Variants in TEX15 observed in about 807,000 individuals in gnomAD.
TEX15 encodes the protein testis expressed 15, meiosis and synapsis associated, also known as testis-expressed protein 15.
A neutral mutation model predicts 237.3 loss-of-function variants in TEX15; 171 were observed. That is an observed-to-expected ratio of 0.72 (90% CI 0.64 to 0.82). TEX15 has a LOEUF of 0.82. Among genes scored for constraint, TEX15 ranks in the 40% least tolerant of loss-of-function variants. TEX15 has a pLI of 0.00. For synonymous variants in TEX15, 1,338 were observed against 1,269.8 expected (o/e 1.05, Z -1.14); for missense variants, 3,750 against 3,646.5 (o/e 1.03, Z -0.73).
At chr8:30,912,036 G>C (rs897542859) in intron 1 of TEX15, among the ~76,000 whole-genome samples, 13 of 152,196 alleles carry the variant, frequency 8.5e-5, no homozygotes, top group African/African-American at 3.1e-4. Context: ...ACAGCGCCGG[G>C]ACACGCGGCA....
In TEX15 at chr8:30,848,622, AG is replaced by A; in HGVS notation, c.1544del (p.Ser515LeufsTer33). On this transcript the variant is annotated frameshift_variant, in exon 8 of 11. Coordinates refer to ENST00000643185, the MANE Select transcript of TEX15 (RefSeq NM_001350162.2). LOFTEE classifies it high-confidence loss of function. Reference protein sequence around the residue: ...DSQSWAHNMGSEDYDCIPPNK... With the variant: ...DSQSWAHNMGXEDYDCIPPNK... ...TGGGAGGTATACAGTCATAGTCCTC[AG>A]AGCCCATGTTGTGAGCCCAAGATTG... The A allele has an allele frequency of 1.2e-6, 2 of 1,614,184 alleles. No individual in the cohort carries two copies. Among genetic ancestry groups the A allele is most frequent in the Non-Finnish European group, 1.7e-6 (2 of 1,180,022 alleles).
chr8:30,889,465 T>A (rs1808737369), intron 2 of TEX15, among the ~76,000 whole-genome samples: 1 of 151,836 alleles, frequency 6.6e-6, no homozygotes, highest in African/African-American at 2.4e-5. Flanking sequence ...GAAAAAAAAA[T>A]TACATATTCA....
chr8:30,858,753 T>G lies in TEX15; in HGVS notation c.765A>C (p.Thr255=), dbSNP rs967112027. The change falls in exon 7 of 11, where the codon ACA becomes ACC. Residue 255 remains threonine, a synonymous_variant. Transcript: ENST00000643185. ...PRQCLPYAVV[T]VKFLGSKVDN... is the part of the protein sequence containing the mutation. ...CTACTTTTGAACCAAGAAATTTTAC[T>G]GTTACTACAGCATATGGAAGACATT... is the stretch of plus-strand genomic sequence containing the variant. 31 of 1,535,750 alleles carry G rather than the reference T, an allele frequency of 2.0e-5. No homozygotes were observed. The East Asian group carries it at 7.1e-4, about 35-fold the overall frequency.
intron 3 of TEX15, among the ~76,000 whole-genome samples, chr8:30,882,377 C>A (rs1352236142): frequency 6.6e-6 from 1 of 152,220 alleles, no homozygotes; most frequent in Non-Finnish European, 1.5e-5. Context: ...AGCTCCGCCT[C>A]CTGGGCTCAC....
chr8:30,844,958 AG>A lies in TEX15; in HGVS notation c.5208del (p.Leu1737TrpfsTer9). On this transcript the variant is annotated frameshift_variant, in exon 8 of 11. Coordinates refer to ENST00000643185, the MANE Select transcript of TEX15 (RefSeq NM_001350162.2). LOFTEE classifies it high-confidence loss of function. ...TDSEGESSKS[Y>X]LDKQRILTVD... The stretch of plus-strand genomic sequence containing the variant: ...ACAGTAAGAATTCTCTGCTTATCCA[AG>A]TAAGATTTTGAAGATTCTCCCTCAC... 1 of 1,613,570 alleles carries A rather than the reference AG, an allele frequency of 6.2e-7. No homozygotes were observed.
intron 10 of TEX15, among the ~76,000 whole-genome samples, chr8:30,835,097 C>A (rs1807261489): frequency 2.6e-5 from 4 of 151,986 alleles, no homozygotes; most frequent in Admixed American, 1.3e-4. Flanking sequence ...AGTAAGACCT[C>A]CTCTCTACTA....
chr8:30,835,229 T>C (rs1261976539), intron 10 of TEX15, among the ~76,000 whole-genome samples: 1 of 152,008 alleles, frequency 6.6e-6, no homozygotes, highest in Non-Finnish European at 1.5e-5. Context: ...CTCACCTTCC[T>C]GAGTAGCTGG....
chr8:30,856,261 A>C (rs1327473508), intron 7 of TEX15, among the ~76,000 whole-genome samples: 2 of 150,988 alleles, frequency 1.3e-5, no homozygotes, highest in African/African-American at 4.9e-5. Context: ...TTTCTTTAAA[A>C]TGTGAGCTTC....
intron 3 of TEX15, among the ~76,000 whole-genome samples, chr8:30,876,869 T>C (rs959027779): frequency 2.6e-5 from 4 of 152,266 alleles, no homozygotes; most frequent in Non-Finnish European, 4.4e-5. Context: ...AATTGAATCA[T>C]GGGGGCAGTT....
intron 2 of TEX15, among the ~76,000 whole-genome samples, chr8:30,893,560 A>C (rs1323479914): frequency 6.6e-6 from 1 of 152,196 alleles, no homozygotes; most frequent in Non-Finnish European, 1.5e-5. Flanking sequence ...GGAATGTTTT[A>C]AATTTTTTAC....
chr8:30,890,977 G>T (rs149668375), intron 2 of TEX15, among the ~76,000 whole-genome samples: 1 of 152,228 alleles, frequency 6.6e-6, no homozygotes, highest in African/African-American at 2.4e-5. Flanking sequence ...AGTTTTGTCT[G>T]TCATATGTAT....
Position 30,837,382 on chromosome 8 carries a change from C to T in TEX15, c.8902G>A (p.Asp2968Asn), listed in dbSNP as rs1305546189. 1.2e-6 allele frequency: 2 copies of T among 1,614,026 alleles called. No individual in the cohort carries two copies. The highest frequency in any genetic ancestry group is 8.5e-7 in the Non-Finnish European group (1 of 1,179,944). ...ETESEDKYMK[D>N]TLNPNTVHTF... is the part of the protein sequence containing the mutation. The stretch of plus-strand genomic sequence containing the variant: ...TGCACAGTATTGGGATTCAATGTAT[C>T]CTTCATGTATTTGTCCTCTGACTCA... The change falls in exon 10 of 11, where the codon GAT (aspartate) becomes AAT (asparagine). Residue 2968 changes from aspartate to asparagine, a missense_variant. By Grantham distance (23) the Asp-to-Asn change is conservative. Transcript: ENST00000643185.
Position 30,845,182 on chromosome 8 carries a change from A to G in TEX15, c.4985T>C (p.Leu1662Ser). The G allele has an allele frequency of 6.2e-7, 1 of 1,613,516 alleles. No homozygotes were observed. Among genetic ancestry groups the G allele is most frequent in the Non-Finnish European group, 8.5e-7 (1 of 1,179,512 alleles). ...GTTACCTTGTTGGTAGAGATCATTTAAAAAGTGCTTCACATTTGAATCTAA... is the reference window on the plus strand; with the variant it reads ...GTTACCTTGTTGGTAGAGATCATTTGAAAAGTGCTTCACATTTGAATCTAA... ...SVLDSNVKHF[L>S]NDLYQQGNLI... is the part of the protein sequence containing the mutation. The change falls in exon 8 of 11, where the codon TTA becomes TCA. Residue 1662 changes from leucine (L) to serine (S), a missense_variant. Physicochemically the swap from Leu to Ser is moderately radical, Grantham distance 145. Coordinates refer to ENST00000643185, the MANE Select transcript of TEX15 (RefSeq NM_001350162.2).
At chr8:30,874,722 G>A (rs908279235) in intron 4 of TEX15, among the ~76,000 whole-genome samples, 1 of 152,204 alleles carries the variant, frequency 6.6e-6, no homozygotes, top group Non-Finnish European at 1.5e-5. Flanking sequence ...ATTGGAAGGA[G>A]GTGTCTGAAA....
Position 30,845,275 on chromosome 8 carries a change from G to GT in TEX15, c.4891dup (p.Thr1631AsnfsTer6), listed in dbSNP as rs753120870. 6.2e-7 allele frequency: 1 copy of GT among 1,613,256 alleles called. No individual in the cohort carries two copies. The highest frequency in any genetic ancestry group is 1.1e-5 in the South Asian group (1 of 90,992). On this transcript the variant is annotated frameshift_variant, in exon 8 of 11. Transcript: ENST00000643185. LOFTEE classifies it high-confidence loss of function. ...GCAAGTTGCATCACAATCGTTGCCT[G>GT]TACTAGAATTTATGTTTTCTTTTAT...
rs1311664925 is a variant in TEX15, at chr8:30,831,610, T to C, written c.*1676A>G. ...CAGATTTTTTAAAAATGTAACTGAA[T>C]ATTTAGGTAAGTCTTTAAGAGAAAT... is the stretch of plus-strand genomic sequence containing the variant. On this transcript the variant is annotated 3_prime_UTR_variant, in exon 11 of 11. Coordinates refer to ENST00000643185, the MANE Select transcript of TEX15 (RefSeq NM_001350162.2). The C allele has an allele frequency of 6.6e-6, 1 of 152,212 alleles. No individual in the cohort carries two copies. The highest frequency in any genetic ancestry group is 1.5e-5 in the Non-Finnish European group (1 of 68,030). The allele number at this position is 152,212 out of a possible 1,614,324, so 9.4% of individuals were successfully genotyped here. A position where few individuals can be genotyped will look rare whatever the true frequency, so the allele number is the denominator to read the frequency against.
intron 5 of TEX15, among the ~76,000 whole-genome samples, chr8:30,865,642 A>T (rs922485755): frequency 6.6e-6 from 1 of 152,210 alleles, no homozygotes; most frequent in African/African-American, 2.4e-5. Flanking sequence ...AGGATGGTTC[A>T]ACTTATACAA....
chr8:30,911,363 G>C (rs1034047490), intron 1 of TEX15, among the ~76,000 whole-genome samples: 1 of 152,098 alleles, frequency 6.6e-6, no homozygotes, highest in Non-Finnish European at 1.5e-5. Flanking sequence ...TGTTGCCCAG[G>C]CTGGTTTCGA....
chr8:30,894,195 C>T (rs62508293), intron 2 of TEX15, among the ~76,000 whole-genome samples: 3,943 of 152,168 alleles, frequency 0.026, 82 homozygotes, highest in Non-Finnish European at 0.037. Context: ...ATGGTTTACA[C>T]CTGTACTTCC....
Sources: gnomAD v4.1 joint callset for allele counts (sites outside exome capture counted in the v4.1 genomes callset) on GRCh38, gnomAD v4.1.1 for gene constraint, MANE v1.5 for transcripts, NCBI Gene and HGNC (gene_info 2026-07-23, HGNC 2026-07-21) for gene names.